ARID1B: variants seen among roughly 807,000 people sequenced by gnomAD.
The protein encoded by ARID1B is AT-rich interaction domain 1B.
ARID1B carries 30 observed loss-of-function variants against 212.3 expected under a neutral mutation model. The ratio of observed to expected loss-of-function variants is 0.14; its 90% CI spans 0.11 to 0.19. ARID1B has a LOEUF of 0.19. ARID1B is among the 10% of genes least tolerant of loss of function. The pLI, the probability that ARID1B is intolerant of heterozygous loss-of-function variation, is 1.00. For synonymous variants in ARID1B, 1,402 were observed against 1,301.7 expected (o/e 1.08, Z -1.66); for missense variants, 2,891 against 3,204.0 (o/e 0.90, Z 2.36).
At chr6:156,790,218 T>G (rs781606222) in intron 1 of ARID1B, among the ~76,000 whole-genome samples, 35 of 152,250 alleles carry the variant, frequency 2.3e-4, no homozygotes, top group Admixed American at 1.1e-3. Context: ...AGATTTATAA[T>G]TGAAGAATTT....
At chr6:156,968,512 G>A (rs1004013254) in intron 4 of ARID1B, among the ~76,000 whole-genome samples, 2 of 152,286 alleles carry the variant, frequency 1.3e-5, no homozygotes, top group East Asian at 1.9e-4. Flanking sequence ...CATTCTCATC[G>A]TCTTTTTCAT....
chr6:157,048,157 T>C (rs1298843695), intron 4 of ARID1B, among the ~76,000 whole-genome samples: 1 of 152,202 alleles, frequency 6.6e-6, no homozygotes, highest in Non-Finnish European at 1.5e-5. Context: ...TGCAAGTCAG[T>C]TGAGAATGTC....
chr6:157,081,974 T>A (rs972299339), intron 4 of ARID1B, among the ~76,000 whole-genome samples: 1 of 152,212 alleles, frequency 6.6e-6, no homozygotes, highest in African/African-American at 2.4e-5. Flanking sequence ...TCCTGCCTGA[T>A]GGCTGTTCTC....
chr6:156,970,244 C>A (rs561182429), intron 4 of ARID1B, among the ~76,000 whole-genome samples: 1 of 152,082 alleles, frequency 6.6e-6, no homozygotes, highest in East Asian at 1.9e-4. Flanking sequence ...CCATACCCGG[C>A]TAATTTTTTG....
intron 4 of ARID1B, among the ~76,000 whole-genome samples, chr6:157,026,593 C>T (rs947306002): frequency 3.9e-5 from 6 of 152,162 alleles, no homozygotes; most frequent in Non-Finnish European, 8.8e-5. Context: ...CCAGTCTCAC[C>T]TAAGCCTCAT....
chr6:157,126,707 C>T (rs573080052), intron 6 of ARID1B, among the ~76,000 whole-genome samples: 27 of 152,216 alleles, frequency 1.8e-4, no homozygotes, highest in African/African-American at 5.5e-4. Flanking sequence ...TTTGAATTTT[C>T]CCATGTTAGA....
chr6:157,167,243 G>A (rs1210154391), intron 9 of ARID1B, 58 bp downstream of exon 9: 2 of 1,549,958 alleles, frequency 1.3e-6, no homozygotes, highest in African/African-American at 2.7e-5. Context: ...CTCCTCTTAG[G>A]CTCCACCAGT....
At chr6:156,917,354 G>A (rs1260299920) in intron 3 of ARID1B, among the ~76,000 whole-genome samples, 2 of 152,202 alleles carry the variant, frequency 1.3e-5, no homozygotes, top group African/African-American at 4.8e-5. Flanking sequence ...TTGGGCTTGG[G>A]ACTGTTTTGC....
Position 156,777,857 on chromosome 6 carries a change from GGGCGGCGGCGAC to G in ARID1B, c.188_199del (p.Asp63_Gly66del), listed in dbSNP as rs1554247040. ...CGGCGGCACCGGGACCCATGCTGGG[GGGCGGCGGCGAC>G]GGCGGCGGCGGCCTGAACAGTGTGC... On this transcript the variant is annotated inframe_deletion, in exon 1 of 20. Coordinates refer to ENST00000636930, the MANE Select transcript of ARID1B (RefSeq NM_001374828.1). 3 of 1,337,300 alleles carry G rather than the reference GGGCGGCGGCGAC, an allele frequency of 2.2e-6. No individual in the cohort carries two copies. Among genetic ancestry groups the G allele is most frequent in the East Asian group, 3.1e-5 (1 of 31,904 alleles). The allele number at this position is 1,337,300 out of a possible 1,614,324, so 82.8% of individuals were successfully genotyped here. A position where few individuals can be genotyped will look rare whatever the true frequency, so the allele number is the denominator to read the frequency against.
At chr6:156,861,014 C>CCACGTAGT (rs796324908) in intron 2 of ARID1B, among the ~76,000 whole-genome samples, 7 of 152,234 alleles carry the variant, frequency 4.6e-5, no homozygotes, top group African/African-American at 1.7e-4. Context: ...AGAACAATAG[C>CCACGTAGT]AGAGCCACGT....
chr6:157,074,010 C>G (rs1469560707), intron 4 of ARID1B, among the ~76,000 whole-genome samples: 1 of 152,198 alleles, frequency 6.6e-6, no homozygotes, highest in Admixed American at 6.5e-5. Flanking sequence ...AACTGACCAG[C>G]AGCTGTCTGG....
chr6:156,827,785 AGATG>A (rs1782852098), intron 1 of ARID1B, among the ~76,000 whole-genome samples: 1 of 49,354 alleles, frequency 2.0e-5, no homozygotes, highest in Non-Finnish European at 3.9e-5. Flanking sequence ...TTTTTTTTTG[AGATG>A]GAGTCTAGCT....
intron 2 of ARID1B, among the ~76,000 whole-genome samples, chr6:156,890,529 G>A (rs1008671213): frequency 2.6e-4 from 40 of 152,198 alleles, no homozygotes; most frequent in African/African-American, 9.7e-4. Context: ...CAGAAAGCCT[G>A]TTAAAAACTG....
intron 6 of ARID1B, among the ~76,000 whole-genome samples, chr6:157,131,869 T>G (rs1255247324): frequency 6.6e-6 from 1 of 152,146 alleles, no homozygotes; most frequent in Non-Finnish European, 1.5e-5. Flanking sequence ...TTTTGTATTT[T>G]TAGTAGAGAC....
At chr6:156,949,867 A>G (rs1003609558) in intron 4 of ARID1B, among the ~76,000 whole-genome samples, 1 of 152,244 alleles carries the variant, frequency 6.6e-6, no homozygotes, top group African/African-American at 2.4e-5. Context: ...TTGAGCTACC[A>G]AAAACTAAAC....
At chr6:157,012,749 C>G (rs1265043469) in intron 4 of ARID1B, among the ~76,000 whole-genome samples, 1 of 152,108 alleles carries the variant, frequency 6.6e-6, no homozygotes, top group Non-Finnish European at 1.5e-5. Context: ...CTGTTAATAT[C>G]CAGTGTTCGT....
At chr6:157,000,186 G>A (rs568961404) in intron 4 of ARID1B, among the ~76,000 whole-genome samples, 23 of 152,286 alleles carry the variant, frequency 1.5e-4, no homozygotes, top group African/African-American at 5.3e-4. Flanking sequence ...CTGGAGATGC[G>A]TCCTGGGAGG....
In ARID1B at chr6:157,201,014, C is replaced by T. The variant is rs1040995163; in HGVS notation, c.4789C>T (p.Pro1597Ser). ...MWAARNDMPY[P>S]YQNRQGPGGP... ...GGCAGCACGCAATGATATGCCTTAT[C>T]CCTACCAGAACAGGCAGGGCCCTGG... Residue 1597 changes from proline (P) to serine (S), a missense_variant, in exon 18 of 20, where the codon CCC becomes TCC. Pro to Ser is a moderately conservative substitution (Grantham distance 74). Coordinates refer to ENST00000636930, the MANE Select transcript of ARID1B (RefSeq NM_001374828.1). This position sits in a 1 kb window ranked among gnomAD's most constrained non-coding sequence, Gnocchi z 5.2. The T allele has an allele frequency of 1.2e-6, 2 of 1,613,928 alleles. No homozygotes were observed. The highest frequency in any genetic ancestry group is 1.7e-6 in the Non-Finnish European group (2 of 1,179,916).
intron 2 of ARID1B, among the ~76,000 whole-genome samples, chr6:156,851,294 G>A (rs980997377): frequency 1.5e-4 from 23 of 152,208 alleles, no homozygotes; most frequent in Admixed American, 1.5e-3. Flanking sequence ...CCATTCAGTC[G>A]TGAAGGGTTC....
Sources: gnomAD v4.1 joint callset for allele counts (sites outside exome capture counted in the v4.1 genomes callset) on GRCh38, gnomAD v4.1.1 for gene constraint, Gnocchi (gnomAD v3.1) non-coding constraint, MANE v1.5 for transcripts, NCBI Gene and HGNC (gene_info 2026-07-23, HGNC 2026-07-21) for gene names.